The following SEMA4D variants were observed in gnomAD, a reference collection of about 807,000 sequenced individuals.
The protein encoded by SEMA4D is semaphorin-4D.
SEMA4D carries 22 observed loss-of-function variants against 74.8 expected under a neutral mutation model. That is an observed-to-expected ratio of 0.29 (90% CI 0.21 to 0.42). The LOEUF (loss-of-function observed/expected upper bound fraction) is 0.42. Among genes scored for constraint, SEMA4D ranks in the 10% least tolerant of loss-of-function variants. The pLI is 1.00. For missense variants in SEMA4D, 937 were observed against 1,118.4 expected, an observed-to-expected ratio of 0.84 and a Z score of 2.31; for synonymous variants, 445 against 463.7, an observed-to-expected ratio of 0.96 and a Z score of 0.52.
At chr9:89,363,710 A>ATT (rs1833122843) in intron 17 of SEMA4D, 1 of 1,603,632 alleles carries the variant, frequency 6.2e-7, no homozygotes, top group African/African-American at 1.3e-5. Context: ...TACCTCATAA[A>ATT]AGGGTAACAG....
At chr9:89,463,051 C>A (rs1857736726) in intron 1 of SEMA4D, among the ~76,000 whole-genome samples, 1 of 150,840 alleles carries the variant, frequency 6.6e-6, no homozygotes, top group Admixed American at 6.6e-5. Flanking sequence ...ACTCTGAACA[C>A]TAGAATGTTC....
intron 2 of SEMA4D, among the ~76,000 whole-genome samples, chr9:89,437,994 A>G (rs1337156276): frequency 6.6e-6 from 1 of 152,210 alleles, no homozygotes. Flanking sequence ...AAGATTTCTA[A>G]TAACCTACAG....
chr9:89,414,458 T>TG (rs1249265904), intron 2 of SEMA4D, among the ~76,000 whole-genome samples: 1 of 152,102 alleles, frequency 6.6e-6, no homozygotes, highest in Non-Finnish European at 1.5e-5. Flanking sequence ...GGCAGCCAGG[T>TG]GCTGGGAAAC....
At chr9:89,441,053 G>C (rs898656603) in intron 2 of SEMA4D, among the ~76,000 whole-genome samples, 1 of 152,216 alleles carries the variant, frequency 6.6e-6, no homozygotes, top group African/African-American at 2.4e-5. Context: ...AGAACAACAA[G>C]CCACTCTCCT....
intron 6 of SEMA4D, among the ~76,000 whole-genome samples, 199 bp from the exon 7 acceptor site, chr9:89,393,854 C>T (rs1171349486): frequency 2.0e-5 from 3 of 152,232 alleles, no homozygotes; most frequent in Non-Finnish European, 4.4e-5. Context: ...ACATCAGCAC[C>T]TTGGTGCCCT....
At chr9:89,414,136 G>A (rs1253490783) in intron 2 of SEMA4D, among the ~76,000 whole-genome samples, 1 of 152,226 alleles carries the variant, frequency 6.6e-6, no homozygotes, top group African/African-American at 2.4e-5. Context: ...ACTACCACAT[G>A]GAAGGTGTCA....
exon 19 of SEMA4D, chr9:89,362,298 G>A: frequency 1.2e-5 from 19 of 1,600,520 alleles, no homozygotes; most frequent in Non-Finnish European, 1.6e-5. Flanking sequence ...GGGCAAGACA[G>A]TTCACAGTTG....
intron 5 of SEMA4D, among the ~76,000 whole-genome samples, chr9:89,398,462 C>T (rs1841478445): frequency 6.6e-6 from 1 of 152,202 alleles, no homozygotes; most frequent in Admixed American, 6.5e-5. Flanking sequence ...CTGACTCCAC[C>T]ATCCTTTAAG....
At chr9:89,363,658 T>C in intron 17 of SEMA4D, 3 of 1,592,812 alleles carry the variant, frequency 1.9e-6, no homozygotes, top group Non-Finnish European at 2.6e-6. Flanking sequence ...CAAGCATGCT[T>C]TCCAGCTGTT....
intron 9 of SEMA4D, among the ~76,000 whole-genome samples, chr9:89,390,330 T>TG (rs941859380): frequency 1.3e-5 from 2 of 150,882 alleles, no homozygotes; most frequent in Non-Finnish European, 3.0e-5. Flanking sequence ...GATGGTTTCC[T>TG]GGTCTGCAAG....
chr9:89,369,866 A>ATGTG (rs149822470), intron 16 of SEMA4D, among the ~76,000 whole-genome samples: 22,160 of 151,286 alleles, frequency 0.15, 1,833 homozygotes, highest in East Asian at 0.23. Context: ...TAAGTCAACA[A>ATGTG]TGTGTGTGTG....
intron 1 of SEMA4D, among the ~76,000 whole-genome samples, chr9:89,464,595 A>G (rs4495525): frequency 0.9 from 136,559 of 152,282 alleles, 61,465 homozygotes; most frequent in Middle Eastern, 0.93. Flanking sequence ...GGGAACAAAG[A>G]AGAGGACAGG....
chr9:89,463,626 T>C lies in SEMA4D; in HGVS notation c.-309-7673A>G, dbSNP rs1362973653. On this transcript the variant is annotated intron_variant, in intron 1 of 15. Transcript: ENST00000422704. ...AAGTGTATTCACAACACAAGGTCTC[T>C]ATGTTGTGTTTAAAGAACCAAATGG... 2.0e-5 allele frequency among the ~76,000 whole-genome samples: 3 copies of C among 152,216 alleles called. No individual in the cohort carries two copies. The East Asian group carries it at 5.8e-4, about 29-fold the overall frequency.
intron 2 of SEMA4D, among the ~76,000 whole-genome samples, chr9:89,423,784 T>C (rs1416428793): frequency 8.8e-6 from 1 of 113,012 alleles, no homozygotes; most frequent in Non-Finnish European, 1.8e-5. Context: ...AGCTACTCCC[T>C]CAGTGCCTCC....
chr9:89,482,294 C>T (rs566635747), intron 1 of SEMA4D, among the ~76,000 whole-genome samples: 18 of 152,190 alleles, frequency 1.2e-4, no homozygotes, highest in Non-Finnish European at 2.1e-4. Context: ...ACCACGAGGC[C>T]AGAGTCTCAG....
chr9:89,379,141 G>T lies in SEMA4D; in HGVS notation c.2152C>A (p.Pro718Thr). Residue 718 changes from proline (P) to threonine (T), a missense_variant, in exon 16 of 16, where the codon CCC (proline) becomes ACC (threonine). Physicochemically the swap from Pro to Thr is conservative, Grantham distance 38. Transcript: ENST00000422704. ...ATGGTTTTCTCCGAGTGGAGCTGGG[G>T]GACCGTGTTGATGACGATCTTTGGT... ...CEPKIVINTV[P>T]QLHSEKTMYL... 6.2e-7 allele frequency: 1 copy of T among 1,614,202 alleles called. No homozygotes were observed. Among genetic ancestry groups the T allele is most frequent in the South Asian group, 1.1e-5 (1 of 91,078 alleles).
intron 1 of SEMA4D, among the ~76,000 whole-genome samples, chr9:89,486,638 G>A (rs943905872): frequency 1.3e-5 from 2 of 152,174 alleles, no homozygotes; most frequent in Non-Finnish European, 2.9e-5. Context: ...GGGCACAGTG[G>A]CTCACACCTG....
At chr9:89,392,380 A>G in intron 8 of SEMA4D, 43 bp downstream of exon 8, 1 of 1,416,000 alleles carries the variant, frequency 7.1e-7, no homozygotes. Context: ...TGCACTCATG[A>G]GGAGACACGC....
chr9:89,374,592 T>C (rs181928347), downstream of SEMA4D, among the ~76,000 whole-genome samples: 1 of 152,308 alleles, frequency 6.6e-6, no homozygotes, highest in Admixed American at 6.5e-5. Flanking sequence ...TTGTAACCAA[T>C]TCCCTGTGTT....
Sources: gnomAD v4.1 joint callset for allele counts (sites outside exome capture counted in the v4.1 genomes callset) on GRCh38, gnomAD v4.1.1 for gene constraint, MANE v1.5 for transcripts, NCBI Gene and HGNC (gene_info 2026-07-23, HGNC 2026-07-21) for gene names.